TMPRSS15: variants seen among roughly 807,000 people sequenced by gnomAD.
TMPRSS15 encodes the protein transmembrane serine protease 15, also known as enteropeptidase.
TMPRSS15 carries 128 observed loss-of-function variants against 125.3 expected under a neutral mutation model. The observed-to-expected ratio is 1.02, with a 90% confidence interval of 0.89 to 1.18. TMPRSS15 has a LOEUF of 1.18. TMPRSS15 is among the 50% of genes most tolerant of loss of function. The pLI is 0.00. For synonymous variants in TMPRSS15, 446 were observed against 423.2 expected (o/e 1.05, Z -0.66); for missense variants, 1,283 against 1,212.7 (o/e 1.06, Z -0.86).
chr21:18,390,955 G>A lies in TMPRSS15; in HGVS notation c.344+6924C>T, dbSNP rs533088431. ...CTTCTTCACGTGGTGGCAGAAGAGA[G>A]AAGAGTGTGAAGGGGGAAGAAGCCC... On this transcript the variant is annotated intron_variant, in intron 3 of 24. Transcript: ENST00000284885. 4.6e-5 allele frequency among the ~76,000 whole-genome samples: 7 copies of A among 152,272 alleles called. No individual in the cohort carries two copies. The East Asian group carries it at 7.7e-4, about 17-fold the overall frequency.
intron 18 of TMPRSS15, among the ~76,000 whole-genome samples, chr21:18,303,930 A>G (rs528681973): frequency 6.6e-6 from 1 of 152,348 alleles, no homozygotes; most frequent in African/African-American, 2.4e-5. Flanking sequence ...ACATTTCACA[A>G]AAGTCTTGAT....
intron 1 of TMPRSS15, among the ~76,000 whole-genome samples, chr21:18,430,970 G>A (rs1427075809): frequency 6.6e-6 from 1 of 152,126 alleles, no homozygotes; most frequent in African/African-American, 2.4e-5. Context: ...CTCTACACAT[G>A]TTAGTTTGCT....
chr21:18,282,974 T>A (rs2074719296), intron 21 of TMPRSS15, among the ~76,000 whole-genome samples: 1 of 152,154 alleles, frequency 6.6e-6, no homozygotes. Context: ...GGGGAAGTTA[T>A]CTCTGCTCCT....
chr21:18,350,517 C>T (rs184028879), intron 10 of TMPRSS15, among the ~76,000 whole-genome samples: 1 of 152,224 alleles, frequency 6.6e-6, no homozygotes, highest in Admixed American at 6.5e-5. Flanking sequence ...TGCCCTCGCA[C>T]AAACTATCTT....
intron 5 of TMPRSS15, among the ~76,000 whole-genome samples, chr21:18,374,951 A>G (rs967498785): frequency 6.6e-6 from 1 of 152,210 alleles, no homozygotes; most frequent in African/African-American, 2.4e-5. Flanking sequence ...TGAAAAGGCC[A>G]TTTGGGTTAC....
chr21:18,352,064 AC>A (rs1457651933), intron 10 of TMPRSS15, among the ~76,000 whole-genome samples: 17 of 88,828 alleles, frequency 1.9e-4, no homozygotes, highest in African/African-American at 6.8e-4. Flanking sequence ...TAAATTCACA[AC>A]TTTTCACTGT....
At chr21:18,421,307 A>C (rs951064965) in intron 1 of TMPRSS15, among the ~76,000 whole-genome samples, 2 of 152,178 alleles carry the variant, frequency 1.3e-5, no homozygotes, top group African/African-American at 2.4e-5. Context: ...GGCAGTTTGC[A>C]TAGAGGTTGA....
Position 18,482,885 on chromosome 21 carries a change from G to C in TMPRSS15, c.10+2914C>G, listed in dbSNP as rs374094600. ...TAACTTACTTTATCCTAGTGCTCTT[G>C]AATCTATTAATATGTAACTATTTCC... On this transcript the variant is annotated intron_variant, in intron 1 of 7. Transcript: ENST00000422787. Among the ~76,000 whole-genome samples, 27 of 151,658 alleles carry C rather than the reference G, an allele frequency of 1.8e-4. No homozygotes were observed. In the South Asian group the frequency reaches 5.2e-3, roughly 29 times the overall value.
In TMPRSS15 at chr21:18,315,711, A is replaced by G. The variant is rs575875602; in HGVS notation, c.1922-455T>C. Among the ~76,000 whole-genome samples the G allele has an allele frequency of 4.7e-3, 487 of 104,562 alleles. 9 individuals carry two copies. Among genetic ancestry groups the G allele is most frequent in the African/African-American group, 0.015 (463 of 30,580 alleles). The allele number at this position is 104,562 out of a possible 152,430, so 68.6% of individuals were successfully genotyped here. A position where few individuals can be genotyped will look rare whatever the true frequency, so the allele number is the denominator to read the frequency against. Reference sequence around the variant, plus strand: ...ATAATAAACATGAGTCCTTTGCCACAGCTCAAGGTGGAGCTAGCTTTGATA... The same window carrying G: ...ATAATAAACATGAGTCCTTTGCCACGGCTCAAGGTGGAGCTAGCTTTGATA... On this transcript the variant is annotated intron_variant, in intron 16 of 24. Coordinates refer to ENST00000284885, the MANE Select transcript of TMPRSS15 (RefSeq NM_002772.3).
chr21:18,473,829 A>G (rs1601475877), intron 1 of TMPRSS15, among the ~76,000 whole-genome samples: 1 of 152,228 alleles, frequency 6.6e-6, no homozygotes, highest in African/African-American at 2.4e-5. Context: ...ATACATTCTT[A>G]TAATCTCCTT....
intron 18 of TMPRSS15, 148 bp downstream of exon 18, chr21:18,312,797 T>G: frequency 1.0e-6 from 1 of 998,736 alleles, no homozygotes; most frequent in South Asian, 1.6e-5. Flanking sequence ...AAAATGGGGT[T>G]AATCAAGATT....
intron 6 of TMPRSS15, among the ~76,000 whole-genome samples, chr21:18,371,588 CA>C (rs2075792313): frequency 6.6e-6 from 1 of 152,036 alleles, no homozygotes; most frequent in South Asian, 2.1e-4. Flanking sequence ...CATTAACACT[CA>C]AAAAATGCCA....
intron 10 of TMPRSS15, among the ~76,000 whole-genome samples, chr21:18,344,785 T>C (rs1213125720): frequency 6.6e-6 from 1 of 152,240 alleles, no homozygotes; most frequent in Non-Finnish European, 1.5e-5. Flanking sequence ...ATTTATTTTA[T>C]TCTTAGTTTC....
At chr21:18,440,664 A>G (rs1356255228) in intron 1 of TMPRSS15, among the ~76,000 whole-genome samples, 1 of 152,074 alleles carries the variant, frequency 6.6e-6, no homozygotes, top group East Asian at 1.9e-4. Context: ...AAAATCAGAA[A>G]ATATTCATTG....
intron 9 of TMPRSS15, 59 bp downstream of exon 9, chr21:18,353,664 T>C (rs569430938): frequency 7.7e-5 from 117 of 1,515,772 alleles, no homozygotes; most frequent in Non-Finnish European, 1.0e-4. Context: ...ACCTTTAAAA[T>C]TCCATCATAA....
intron 1 of TMPRSS15, among the ~76,000 whole-genome samples, chr21:18,464,672 A>C (rs1319174739): frequency 6.6e-6 from 1 of 152,212 alleles, no homozygotes; most frequent in African/African-American, 2.4e-5. Context: ...AAAATGGATA[A>C]ATTCCTGGAC....
chr21:18,322,207 G>A (rs1003200030), intron 16 of TMPRSS15, among the ~76,000 whole-genome samples: 1 of 152,106 alleles, frequency 6.6e-6, no homozygotes, highest in Admixed American at 6.5e-5. Flanking sequence ...TCTGAGACAG[G>A]AAATAAATGC....
At chr21:18,482,181 A>G (rs1205851399) in intron 1 of TMPRSS15, among the ~76,000 whole-genome samples, 3 of 151,428 alleles carry the variant, frequency 2.0e-5, no homozygotes, top group Non-Finnish European at 4.4e-5. Flanking sequence ...AAATTATAAT[A>G]TAAATAATTT....
At chr21:18,424,208 T>C (rs1445175728) in intron 1 of TMPRSS15, among the ~76,000 whole-genome samples, 1 of 152,190 alleles carries the variant, frequency 6.6e-6, no homozygotes, top group Non-Finnish European at 1.5e-5. Flanking sequence ...ACCTCAACAA[T>C]AATTTCCAAA....
Sources: gnomAD v4.1 joint callset for allele counts (sites outside exome capture counted in the v4.1 genomes callset) on GRCh38, gnomAD v4.1.1 for gene constraint, MANE v1.5 for transcripts, NCBI Gene and HGNC (gene_info 2026-07-23, HGNC 2026-07-21) for gene names.